SGCD: variants seen among roughly 807,000 people sequenced by gnomAD.
SGCD encodes delta-sarcoglycan.
A neutral mutation model predicts 36.6 loss-of-function variants in SGCD; 18 were observed. The observed-to-expected ratio is 0.49, with a 90% CI of 0.34 to 0.73. The LOEUF (loss-of-function observed/expected upper bound fraction) is 0.73, where lower values mean the gene tolerates loss of function less well. SGCD is among the 30% of genes least tolerant of loss of function. The pLI, the probability that SGCD is intolerant of heterozygous loss-of-function variation, is 0.01. For missense variants in SGCD, 387 were observed against 346.7 expected, an observed-to-expected ratio of 1.12 and a Z score of -0.92; for synonymous variants, 133 against 130.6, an observed-to-expected ratio of 1.02 and a Z score of -0.12.
At chr5:155,875,717 G>A (rs67625007) in intron 1 of SGCD, among the ~76,000 whole-genome samples, 64,016 of 151,274 alleles carry the variant, frequency 0.42, 15,400 homozygotes, top group African/African-American at 0.64. Flanking sequence ...GCCTGGGTCA[G>A]AGGCAAAAGC....
intron 1 of SGCD, among the ~76,000 whole-genome samples, chr5:156,072,049 A>C (rs950175379): frequency 1.3e-5 from 2 of 152,272 alleles, no homozygotes; most frequent in African/African-American, 4.8e-5. Flanking sequence ...GGGTTTCCTC[A>C]ATACAGCACA....
At chr5:155,756,834 C>T in the SGCD span, among the ~76,000 whole-genome samples, 2 of 152,166 alleles carry the variant, frequency 1.3e-5, no homozygotes, top group Admixed American at 1.3e-4. Flanking sequence ...ACATTGAAAT[C>T]GGCATGAGTT....
chr5:156,092,506 T>C (rs1195083936), intron 1 of SGCD, among the ~76,000 whole-genome samples: 2 of 152,214 alleles, frequency 1.3e-5, no homozygotes, highest in Non-Finnish European at 2.9e-5. Context: ...CAATATTTCC[T>C]CAAAGATAGT....
chr5:156,388,204 G>A (rs556264734), intron 3 of SGCD, among the ~76,000 whole-genome samples: 6 of 152,260 alleles, frequency 3.9e-5, no homozygotes, highest in Non-Finnish European at 5.9e-5. Context: ...TGTGATAGCC[G>A]GGCAAGGCAG....
intron 3 of SGCD, among the ~76,000 whole-genome samples, chr5:156,268,143 A>G (rs1490279545): frequency 6.6e-6 from 1 of 152,174 alleles, no homozygotes; most frequent in Non-Finnish European, 1.5e-5. Context: ...AGCTCCATCC[A>G]TGTTCCTGCA....
At chr5:156,362,038 G>A (rs1580873590) in intron 3 of SGCD, among the ~76,000 whole-genome samples, 2 of 152,192 alleles carry the variant, frequency 1.3e-5, no homozygotes, top group Non-Finnish European at 2.9e-5. Flanking sequence ...AAGTTCAAAA[G>A]CCCTGATTGA....
chr5:156,483,899 G>A (rs111255905), intron 3 of SGCD, among the ~76,000 whole-genome samples: 5 of 151,934 alleles, frequency 3.3e-5, no homozygotes, highest in African/African-American at 9.6e-5. Flanking sequence ...GATGAAAGAG[G>A]CAATAATCTG....
the SGCD span, among the ~76,000 whole-genome samples, chr5:155,759,674 T>C: frequency 3.9e-5 from 6 of 152,200 alleles, no homozygotes; most frequent in Non-Finnish European, 7.3e-5. Context: ...CATGGTGAGA[T>C]GTTCACCGTC....
chr5:156,694,985 A>C (rs960534304), intron 7 of SGCD, among the ~76,000 whole-genome samples: 3 of 152,224 alleles, frequency 2.0e-5, no homozygotes, highest in African/African-American at 7.2e-5. Context: ...GAGTAAATGA[A>C]TATTACTGCA....
intron 3 of SGCD, among the ~76,000 whole-genome samples, chr5:156,451,079 C>T (rs1227994392): frequency 6.9e-6 from 1 of 144,242 alleles, no homozygotes; most frequent in Non-Finnish European, 1.5e-5. Context: ...CCTTGCCTCT[C>T]CTCCCCTCCC....
intron 3 of SGCD, among the ~76,000 whole-genome samples, chr5:156,235,167 G>C (rs1451417301): frequency 6.6e-6 from 1 of 152,172 alleles, no homozygotes; most frequent in East Asian, 1.9e-4. Context: ...ACCATCAATG[G>C]CAGAGACTGA....
intron 7 of SGCD, among the ~76,000 whole-genome samples, chr5:156,725,410 C>T (rs1009202036): frequency 2.0e-5 from 3 of 152,114 alleles, no homozygotes; most frequent in African/African-American, 7.2e-5. Flanking sequence ...TGTGTTAGCC[C>T]TGGATGAACT....
chr5:156,639,289 CT>C (rs778943511), intron 6 of SGCD, among the ~76,000 whole-genome samples: 5 of 152,150 alleles, frequency 3.3e-5, no homozygotes, highest in Non-Finnish European at 7.4e-5. Context: ...AGCAAATTAA[CT>C]TGTCCAGTAT....
At chr5:156,265,033 T>C (rs1262612989) in intron 3 of SGCD, among the ~76,000 whole-genome samples, 3 of 151,806 alleles carry the variant, frequency 2.0e-5, no homozygotes, top group African/African-American at 7.2e-5. Flanking sequence ...AACCCAATAG[T>C]GATGATAACA....
chr5:155,955,108 T>C (rs6886366), intron 1 of SGCD, among the ~76,000 whole-genome samples: 31,609 of 152,072 alleles, frequency 0.21, 3,826 homozygotes, highest in Admixed American at 0.39. Context: ...GAGGCCTACT[T>C]GTGTCAGGGA....
At chr5:156,688,288 G>A (rs1023423905) in intron 7 of SGCD, among the ~76,000 whole-genome samples, 6 of 151,992 alleles carry the variant, frequency 3.9e-5, no homozygotes, top group East Asian at 1.9e-4. Flanking sequence ...TTAAATATTC[G>A]TTGAATGAAA....
intron 1 of SGCD, among the ~76,000 whole-genome samples, chr5:155,899,223 A>C (rs950662663): frequency 1.3e-5 from 2 of 152,242 alleles, no homozygotes; most frequent in African/African-American, 4.8e-5. Context: ...CCCCAAAAAA[A>C]CCACAAGTGG....
chr5:156,533,466 C>G (rs1757971450), intron 4 of SGCD, among the ~76,000 whole-genome samples: 1 of 152,170 alleles, frequency 6.6e-6, no homozygotes, highest in African/African-American at 2.4e-5. Flanking sequence ...GAACCCCAGA[C>G]TATACATTTT....
intron 3 of SGCD, among the ~76,000 whole-genome samples, chr5:156,274,447 A>C (rs1385281538): frequency 6.6e-6 from 1 of 151,806 alleles, no homozygotes; most frequent in Non-Finnish European, 1.5e-5. Context: ...CTAATATGAG[A>C]CTTTATACAT....
Sources: gnomAD v4.1 joint callset for allele counts (sites outside exome capture counted in the v4.1 genomes callset) on GRCh38, gnomAD v4.1.1 for gene constraint, MANE v1.5 for transcripts, NCBI Gene and HGNC (gene_info 2026-07-23, HGNC 2026-07-21) for gene names.